Variants in CSMD1 observed in about 807,000 individuals in gnomAD.
CSMD1 encodes CUB and sushi domain-containing protein 1.
In CSMD1, 213 loss-of-function variants were observed where a neutral mutation model predicts 417.5. The observed-to-expected ratio is 0.51, with a 90% CI of 0.46 to 0.57. The LOEUF is 0.57. Among genes scored for constraint, CSMD1 ranks in the 20% least tolerant of loss-of-function variants. CSMD1 has a pLI of 0.00. For missense variants in CSMD1, 6,923 were observed against 4,529.7 expected (o/e 1.53, Z -15.17); for synonymous variants, 2,862 against 1,736.8 (o/e 1.65, Z -16.11).
intron 4 of CSMD1, among the ~76,000 whole-genome samples, chr8:4,028,250 T>A (rs929604852): frequency 1.3e-5 from 2 of 152,138 alleles, no homozygotes; most frequent in African/African-American, 4.8e-5. Context: ...AAATCTAACA[T>A]CTATTAGCAC....
At chr8:3,367,841 T>C (rs144445799) in intron 19 of CSMD1, among the ~76,000 whole-genome samples, 90 of 152,206 alleles carry the variant, frequency 5.9e-4, no homozygotes, top group African/African-American at 2.1e-3. Context: ...TTACAATGGG[T>C]TTCATTTAAA....
intron 1 of CSMD1, among the ~76,000 whole-genome samples, chr8:4,873,098 G>C (rs1284993318): frequency 6.6e-6 from 1 of 151,974 alleles, no homozygotes; most frequent in East Asian, 1.9e-4. Flanking sequence ...TTGTAACATG[G>C]TTACCAAAAT....
chr8:3,899,734 T>C (rs1009587528), intron 5 of CSMD1, among the ~76,000 whole-genome samples: 4 of 152,136 alleles, frequency 2.6e-5, no homozygotes, highest in African/African-American at 9.7e-5. Context: ...TGGCTGAGGT[T>C]AGCAGTTGGA....
At chr8:4,154,170 A>T (rs79112810) in intron 3 of CSMD1, among the ~76,000 whole-genome samples, 2,920 of 152,298 alleles carry the variant, frequency 0.019, 95 homozygotes, top group African/African-American at 0.066. Flanking sequence ...CTATGATAGG[A>T]GATCTATAAC....
At chr8:3,971,163 T>A (rs989786162) in intron 5 of CSMD1, among the ~76,000 whole-genome samples, 1 of 152,112 alleles carries the variant, frequency 6.6e-6, no homozygotes, top group South Asian at 2.1e-4. Context: ...CGCTGCCTCC[T>A]GGCATGATGG....
intron 5 of CSMD1, among the ~76,000 whole-genome samples, chr8:3,945,083 G>T (rs1585010969): frequency 6.6e-6 from 1 of 150,506 alleles, no homozygotes; most frequent in East Asian, 2.0e-4. Flanking sequence ...TTAAGACAAT[G>T]TGAACAGGCT....
intron 9 of CSMD1, among the ~76,000 whole-genome samples, chr8:3,576,336 A>G (rs1053594122): frequency 8.0e-5 from 12 of 149,430 alleles, no homozygotes; most frequent in Admixed American, 4.7e-4. Context: ...TGCTTCTTTA[A>G]TCTGTAATCT....
chr8:4,744,605 A>C (rs1159225377), intron 1 of CSMD1, among the ~76,000 whole-genome samples: 1 of 152,200 alleles, frequency 6.6e-6, no homozygotes, highest in African/African-American at 2.4e-5. Flanking sequence ...TGGTAGCAAA[A>C]ATTAGCCATT....
At chr8:2,982,176 C>T (rs642562) in intron 54 of CSMD1, among the ~76,000 whole-genome samples, 18,265 of 151,880 alleles carry the variant, frequency 0.12, 1,981 homozygotes, top group African/African-American at 0.3. Flanking sequence ...GCCAACACGG[C>T]GAAACCCCAT....
chr8:2,945,568 T>C (rs1445443387), intron 68 of CSMD1, among the ~76,000 whole-genome samples: 11 of 152,238 alleles, frequency 7.2e-5, no homozygotes, highest in Non-Finnish European at 2.9e-5. Context: ...TTGTACCTTT[T>C]AGTGTTGCTA....
chr8:4,437,334 A>G (rs1293684272), intron 2 of CSMD1, among the ~76,000 whole-genome samples: 2 of 152,210 alleles, frequency 1.3e-5, no homozygotes, highest in African/African-American at 4.8e-5. Flanking sequence ...CTTGTTTTAA[A>G]AAGAAAATAC....
rs1362408211 is a variant in CSMD1 at position 3,142,681 on chromosome 8, A to G, written c.6032-7T>C. On this transcript the variant is annotated splice_polypyrimidine_tract_variant and splice_region_variant and intron_variant, in intron 40 of 69. Coordinates refer to ENST00000635120, the MANE Select transcript of CSMD1 (RefSeq NM_033225.6). ...AGAAACTGAATATGTGCACCTATGG[A>G]AAAACATGCAAACTTAATGAAAGTT... is the stretch of plus-strand genomic sequence containing the variant. 3 of 1,592,774 alleles carry G rather than the reference A, an allele frequency of 1.9e-6. No homozygotes were observed. The East Asian group carries it at 6.7e-5, about 36-fold the overall frequency.
chr8:3,581,149 C>A (rs78022379), intron 9 of CSMD1, among the ~76,000 whole-genome samples: 35 of 152,248 alleles, frequency 2.3e-4, no homozygotes, highest in Non-Finnish European at 4.3e-4. Flanking sequence ...CCCCTAAAGA[C>A]TGATGGAATG....
chr8:3,806,455 T>A (rs767336266), intron 5 of CSMD1, among the ~76,000 whole-genome samples: 1 of 152,200 alleles, frequency 6.6e-6, no homozygotes, highest in South Asian at 2.1e-4. Flanking sequence ...TGAAGGCAAT[T>A]TGAAGCTATC....
intron 5 of CSMD1, among the ~76,000 whole-genome samples, chr8:3,794,024 C>T (rs569130844): frequency 2.0e-5 from 3 of 152,230 alleles, no homozygotes; most frequent in South Asian, 2.1e-4. Context: ...CGTAGACAGA[C>T]GAAAGACTTG....
At chr8:3,411,834 G>C (rs185281424) in intron 12 of CSMD1, among the ~76,000 whole-genome samples, 1 of 66,232 alleles carries the variant, frequency 1.5e-5, no homozygotes, top group African/African-American at 5.4e-5. Flanking sequence ...ATGTATATAT[G>C]CACGTATATA....
chr8:3,244,080 G>C lies in CSMD1; in HGVS notation c.4154-13849C>G, dbSNP rs149116637. 3.5e-4 allele frequency among the ~76,000 whole-genome samples: 54 copies of C among 152,294 alleles called. No homozygotes were observed. The East Asian group carries it at 7.7e-3, about 22-fold the overall frequency. On this transcript the variant is annotated intron_variant, in intron 26 of 69. Coordinates refer to ENST00000635120, the MANE Select transcript of CSMD1 (RefSeq NM_033225.6). The stretch of plus-strand genomic sequence containing the variant: ...AAAGCAATACCAATATACAGAAGCA[G>C]TCGCATCTAGTACACAGATCACAAC...
rs1320794093 is a variant in CSMD1, at chr8:3,411,360, TC to T, written c.1562-1756del. 5.7e-3 allele frequency among the ~76,000 whole-genome samples: 852 copies of T among 149,184 alleles called. 3 individuals are homozygous for T. The highest frequency in any genetic ancestry group is 0.019 in the African/African-American group (765 of 39,996). ...TTTTTAGTAACCTAACTACTTCCTTTCCTTTTCTTTATTTCCATAGGTTTTG... is the reference window on the plus strand; with the variant it reads ...TTTTTAGTAACCTAACTACTTCCTTTCTTTTCTTTATTTCCATAGGTTTTG... On this transcript the variant is annotated intron_variant, in intron 12 of 69. Coordinates refer to ENST00000635120, the MANE Select transcript of CSMD1 (RefSeq NM_033225.6).
intron 41 of CSMD1, among the ~76,000 whole-genome samples, chr8:3,141,558 A>G (rs1445706004): frequency 2.0e-5 from 3 of 152,074 alleles, no homozygotes; most frequent in Admixed American, 6.5e-5. Flanking sequence ...AACCTCCCCA[A>G]ATTGCTCCTG....
Sources: allele counts gnomAD v4.1 joint callset (sites outside exome capture counted in the v4.1 genomes callset), GRCh38; gene constraint gnomAD v4.1.1; transcripts MANE v1.5; gene names NCBI Gene and HGNC (gene_info 2026-07-23, HGNC 2026-07-21).